IMMP2L: variants seen among roughly 807,000 people sequenced by gnomAD.
The protein encoded by IMMP2L is mitochondrial inner membrane protease subunit 2.
A neutral mutation model predicts 19.3 loss-of-function variants in IMMP2L; 18 were observed. The observed-to-expected ratio is 0.93, with a 90% confidence interval of 0.64 to 1.38. The LOEUF is 1.38. Among genes scored for constraint, IMMP2L ranks in the 40% most tolerant of loss-of-function variants. The probability of loss-of-function intolerance (pLI) is 0.00; values close to 1 mark genes in which losing one functional copy is unlikely to be tolerated. For missense variants in IMMP2L, 233 were observed against 218.2 expected (o/e 1.07, Z -0.43); for synonymous variants, 76 against 73.0 (o/e 1.04, Z -0.21).
chr7:111,476,127 C>T (rs1285108104), intron 3 of IMMP2L, among the ~76,000 whole-genome samples: 1 of 152,062 alleles, frequency 6.6e-6, no homozygotes, highest in Non-Finnish European at 1.5e-5. Flanking sequence ...TCTTATTCTG[C>T]AGATGATGCA....
At position 111,562,244 on chromosome 7, in the gene IMMP2L, A is replaced by G. The variant is rs1428553712; in HGVS notation, c.-396T>C. 2 of 152,094 alleles carry G rather than the reference A, an allele frequency of 1.3e-5. No homozygotes were observed. The highest frequency in any genetic ancestry group is 4.8e-5 in the African/African-American group (2 of 41,408). 9.4% of individuals were successfully genotyped at this position (152,094 alleles called of 1,614,324 possible). On this transcript the variant is annotated 5_prime_UTR_variant, in exon 1 of 6. Transcript: ENST00000405709. ...GGTGGCCGCCGCACGCGCCTCAGAT[A>G]AACACGCGCACGCACACATGCTCGC...
At chr7:111,392,809 G>C (rs1832493806) in intron 3 of IMMP2L, 2 of 456,370 alleles carry the variant, frequency 4.4e-6, no homozygotes, top group South Asian at 1.5e-5. Flanking sequence ...TACCATTACT[G>C]GTGCATTAAA....
At chr7:111,291,610 G>A (rs1169259569) in intron 3 of IMMP2L, among the ~76,000 whole-genome samples, 1 of 152,040 alleles carries the variant, frequency 6.6e-6, no homozygotes. Flanking sequence ...AGGGGCCACA[G>A]GAAAAGGATG....
chr7:111,328,060 C>T (rs1350563602), intron 3 of IMMP2L, among the ~76,000 whole-genome samples: 2 of 151,630 alleles, frequency 1.3e-5, no homozygotes, highest in African/African-American at 2.4e-5. Flanking sequence ...TTTACAAAAC[C>T]ACATGACCTC....
chr7:110,734,394 G>A (rs1052875089), intron 5 of IMMP2L, among the ~76,000 whole-genome samples: 3 of 152,166 alleles, frequency 2.0e-5, no homozygotes, highest in Admixed American at 6.5e-5. Flanking sequence ...TTTCATTCAA[G>A]TAAGAACTTA....
Position 111,016,637 on chromosome 7 carries a change from A to G in IMMP2L, c.240-53072T>C, listed in dbSNP as rs1278902434. Among the ~76,000 whole-genome samples, 183 of 109,404 alleles carry G rather than the reference A, an allele frequency of 1.7e-3. 1 individual carries two copies. Among genetic ancestry groups the G allele is most frequent in the African/African-American group, 6.9e-3 (178 of 25,868 alleles). 71.8% of individuals were successfully genotyped at this position (109,404 alleles called of 152,430 possible). On this transcript the variant is annotated intron_variant, in intron 3 of 5. Coordinates refer to ENST00000405709, the MANE Select transcript of IMMP2L (RefSeq NM_032549.4). ...TAATATATACATATATATAATGCAT[A>G]TATATTATGTGCATATATACATATA...
chr7:111,280,942 C>T (rs1161974054), intron 3 of IMMP2L, among the ~76,000 whole-genome samples: 6 of 151,552 alleles, frequency 4.0e-5, no homozygotes, highest in East Asian at 1.9e-4. Flanking sequence ...TGGTGGCAGG[C>T]GCCTGTAGTC....
chr7:111,400,846 T>G (rs557434012), intron 3 of IMMP2L, among the ~76,000 whole-genome samples: 2 of 152,198 alleles, frequency 1.3e-5, no homozygotes, highest in Non-Finnish European at 2.9e-5. Context: ...TATTATTTTA[T>G]AATTTTACAA....
At chr7:111,205,434 C>A (rs193301337) in intron 3 of IMMP2L, among the ~76,000 whole-genome samples, 125 of 152,262 alleles carry the variant, frequency 8.2e-4, no homozygotes, top group African/African-American at 2.8e-3. Flanking sequence ...GTCCAAAGAA[C>A]TTCTCTATGG....
At chr7:111,395,554 A>C (rs905983426) in intron 3 of IMMP2L, among the ~76,000 whole-genome samples, 7 of 152,216 alleles carry the variant, frequency 4.6e-5, no homozygotes, top group African/African-American at 1.7e-4. Context: ...AAAAGTGAGA[A>C]AATGAAGCAA....
chr7:111,218,158 T>C (rs1164796956), intron 3 of IMMP2L, among the ~76,000 whole-genome samples: 1 of 152,128 alleles, frequency 6.6e-6, no homozygotes, highest in African/African-American at 2.4e-5. Context: ...ATTTATGGTC[T>C]TAGTAAACAA....
intron 3 of IMMP2L, among the ~76,000 whole-genome samples, chr7:111,201,353 C>T (rs1286692578): frequency 6.6e-6 from 1 of 151,560 alleles, no homozygotes; most frequent in Non-Finnish European, 1.5e-5. Flanking sequence ...AATATAACTG[C>T]TATGGTCTGA....
At chr7:110,725,349 T>C (rs1363319068) in intron 5 of IMMP2L, among the ~76,000 whole-genome samples, 1 of 152,204 alleles carries the variant, frequency 6.6e-6, no homozygotes, top group East Asian at 1.9e-4. Flanking sequence ...TGGTAAATTT[T>C]GGCTTTTGTT....
intron 5 of IMMP2L, among the ~76,000 whole-genome samples, chr7:110,674,987 T>A (rs59127553): frequency 0.12 from 18,298 of 152,216 alleles, 3,368 homozygotes; most frequent in African/African-American, 0.4. Context: ...TCATATCCAT[T>A]TGTTCCTGAC....
intron 3 of IMMP2L, among the ~76,000 whole-genome samples, chr7:111,338,093 A>C (rs1826633252): frequency 6.6e-6 from 1 of 152,166 alleles, no homozygotes; most frequent in Non-Finnish European, 1.5e-5. Context: ...GGGCAGAAGC[A>C]CAGTGAAAGC....
chr7:111,171,195 T>TAC (rs369075373), intron 3 of IMMP2L, among the ~76,000 whole-genome samples: 13,028 of 151,358 alleles, frequency 0.086, 723 homozygotes, highest in African/African-American at 0.15. Flanking sequence ...GCATGCAAGA[T>TAC]ACACACACAC....
At chr7:111,117,600 T>C (rs1156816790) in intron 3 of IMMP2L, among the ~76,000 whole-genome samples, 2 of 152,008 alleles carry the variant, frequency 1.3e-5, no homozygotes, top group East Asian at 1.9e-4. Context: ...CCAAGGAAAA[T>C]AGAACAGTCT....
intron 5 of IMMP2L, among the ~76,000 whole-genome samples, chr7:110,696,425 C>CTTTTTTTTTTTTTT (rs374621101): frequency 8.3e-6 from 1 of 119,860 alleles, no homozygotes; most frequent in African/African-American, 3.0e-5. Context: ...TCCTTTTTCT[C>CTTTTTTTTTTTTTT]TTTTTTTTTT....
chr7:110,856,053 A>C (rs1182468825), intron 5 of IMMP2L, among the ~76,000 whole-genome samples: 3 of 152,060 alleles, frequency 2.0e-5, no homozygotes, highest in Non-Finnish European at 4.4e-5. Flanking sequence ...TGCTTTTTTC[A>C]CATACTTCTT....
Sources: allele counts gnomAD v4.1 joint callset (sites outside exome capture counted in the v4.1 genomes callset), GRCh38; gene constraint gnomAD v4.1.1; transcripts MANE v1.5; gene names NCBI Gene and HGNC (gene_info 2026-07-23, HGNC 2026-07-21).